Variants in MARCHF1 observed in about 807,000 individuals in gnomAD.
MARCHF1 encodes the protein membrane associated ring-CH-type finger 1.
In MARCHF1, 40 loss-of-function variants were observed where a neutral mutation model predicts 54.2. The observed-to-expected ratio is 0.74, with a 90% confidence interval of 0.57 to 0.96. The LOEUF (loss-of-function observed/expected upper bound fraction) is 0.96. Ranked by LOEUF, MARCHF1 falls within the 40% of genes least tolerant of loss-of-function variation. The pLI is 0.00. For synonymous variants in MARCHF1, 236 were observed against 236.3 expected (o/e 1.00, Z 0.01); for missense variants, 586 against 656.5 (o/e 0.89, Z 1.17).
At chr4:164,175,671 G>C (rs773523062) in intron 1 of MARCHF1, among the ~76,000 whole-genome samples, 3 of 152,184 alleles carry the variant, frequency 2.0e-5, no homozygotes, top group African/African-American at 7.2e-5. Context: ...TAGGAGAAAA[G>C]ACTGAGGTCC....
intron 1 of MARCHF1, among the ~76,000 whole-genome samples, chr4:164,214,159 G>A (rs1731862641): frequency 7.9e-6 from 1 of 126,326 alleles, no homozygotes; most frequent in Admixed American, 8.6e-5. Flanking sequence ...AATAAACAAT[G>A]AAAAAGTAAA....
chr4:164,044,059 C>T (rs6840369), intron 2 of MARCHF1, among the ~76,000 whole-genome samples: 12,840 of 152,246 alleles, frequency 0.084, 659 homozygotes, highest in South Asian at 0.21. Context: ...AACCATTCAA[C>T]AACTCTCCAG....
chr4:163,713,425 T>A (rs1019329401), intron 4 of MARCHF1, among the ~76,000 whole-genome samples: 2 of 152,220 alleles, frequency 1.3e-5, no homozygotes, highest in African/African-American at 4.8e-5. Flanking sequence ...CACTCATGAC[T>A]TCTGTTTATG....
At chr4:164,123,158 A>G (rs182085315) in intron 1 of MARCHF1, among the ~76,000 whole-genome samples, 165 of 152,294 alleles carry the variant, frequency 1.1e-3, no homozygotes, top group Non-Finnish European at 1.9e-3. Context: ...GCCTTTCTAT[A>G]TGCCAACAGT....
intron 1 of MARCHF1, among the ~76,000 whole-genome samples, chr4:164,211,917 G>A (rs189131733): frequency 3.9e-5 from 6 of 152,212 alleles, no homozygotes; most frequent in Admixed American, 3.9e-4. Context: ...CAACATGTTT[G>A]AATGCTTATA....
intron 4 of MARCHF1, among the ~76,000 whole-genome samples, chr4:163,755,689 A>G (rs529219196): frequency 2.6e-4 from 40 of 152,138 alleles, no homozygotes; most frequent in Non-Finnish European, 5.0e-4. Context: ...ATCTGAAAAG[A>G]AAAAGAAGAT....
intron 5 of MARCHF1, among the ~76,000 whole-genome samples, chr4:163,688,923 C>T (rs1322177521): frequency 6.6e-6 from 1 of 152,042 alleles, no homozygotes; most frequent in African/African-American, 2.4e-5. Flanking sequence ...AAATAAATTC[C>T]TTCTGTTGGA....
chr4:164,048,662 C>G (rs1329704157), intron 2 of MARCHF1, among the ~76,000 whole-genome samples: 6 of 152,004 alleles, frequency 3.9e-5, no homozygotes, highest in African/African-American at 1.4e-4. Context: ...AAAACAAAAA[C>G]AAAAGCAAGA....
chr4:163,797,893 T>C (rs904448198), intron 4 of MARCHF1, among the ~76,000 whole-genome samples: 22 of 152,160 alleles, frequency 1.4e-4, no homozygotes, highest in African/African-American at 5.1e-4. Context: ...CTCACACTCA[T>C]GTTAGAGCTT....
At chr4:163,583,208 C>T (rs748792953) in intron 8 of MARCHF1, among the ~76,000 whole-genome samples, 14 of 152,168 alleles carry the variant, frequency 9.2e-5, no homozygotes, top group Non-Finnish European at 1.9e-4. Context: ...GGCTAGATAC[C>T]ACTTGGCTCC....
At chr4:164,131,862 T>C (rs766178589) in intron 1 of MARCHF1, among the ~76,000 whole-genome samples, 1 of 152,170 alleles carries the variant, frequency 6.6e-6, no homozygotes, top group East Asian at 1.9e-4. Context: ...ATACATGTTA[T>C]ACATGTCATG....
intron 1 of MARCHF1, among the ~76,000 whole-genome samples, chr4:164,169,685 C>T (rs1180285984): frequency 6.6e-6 from 1 of 151,974 alleles, no homozygotes; most frequent in South Asian, 2.1e-4. Context: ...ATATTAAAAG[C>T]TCTCTATAAT....
At chr4:163,734,358 A>T (rs930303165) in intron 4 of MARCHF1, among the ~76,000 whole-genome samples, 2 of 152,224 alleles carry the variant, frequency 1.3e-5, no homozygotes, top group Admixed American at 1.3e-4. Context: ...GCATATGTGC[A>T]GACAGACTTG....
chr4:163,737,201 TTTATTTTTTTTAA>T (rs1217004328), intron 4 of MARCHF1, among the ~76,000 whole-genome samples: 7 of 47,978 alleles, frequency 1.5e-4, no homozygotes, highest in African/African-American at 3.7e-4. Flanking sequence ...AGTTTATTTA[TTTATTTTTTTTAA>T]TTTTTTTTTT....
At chr4:164,240,611 C>CTTAGGTCTT (rs1732712408) in intron 1 of MARCHF1, among the ~76,000 whole-genome samples, 10 of 152,036 alleles carry the variant, frequency 6.6e-5, no homozygotes, top group Non-Finnish European at 1.5e-5. Context: ...TAGGTCCCAC[C>CTTAGGTCTT]AACTGAAACT....
intron 1 of MARCHF1, among the ~76,000 whole-genome samples, chr4:164,284,330 GAGAC>G (rs34154042): frequency 0.04 from 5,023 of 126,520 alleles, 346 homozygotes; most frequent in African/African-American, 0.13. Flanking sequence ...GAGAGAGAGA[GAGAC>G]AGAGAGAGAG....
At chr4:163,955,645 G>T (rs1197926558) in intron 3 of MARCHF1, among the ~76,000 whole-genome samples, 1 of 151,914 alleles carries the variant, frequency 6.6e-6, no homozygotes, top group African/African-American at 2.4e-5. Flanking sequence ...AACGTTTCCA[G>T]TCAGAATCTG....
chr4:163,952,675 T>C (rs116745719), intron 3 of MARCHF1, among the ~76,000 whole-genome samples: 1 of 152,316 alleles, frequency 6.6e-6, no homozygotes, highest in African/African-American at 2.4e-5. Context: ...TATGTGGCTG[T>C]AATCTGCTTT....
chr4:163,933,323 T>C (rs1026664363), intron 3 of MARCHF1: 1 of 541,512 alleles, frequency 1.8e-6, no homozygotes, highest in Non-Finnish European at 3.5e-6. Flanking sequence ...CTTATTCCAC[T>C]TGGATTTCCT....
Sources: allele counts gnomAD v4.1 joint callset (sites outside exome capture counted in the v4.1 genomes callset), GRCh38; gene constraint gnomAD v4.1.1; transcripts MANE v1.5; gene names NCBI Gene and HGNC (gene_info 2026-07-23, HGNC 2026-07-21).